The following CSMD1 variants were observed in gnomAD, a reference collection of about 807,000 sequenced individuals.
CSMD1 encodes CUB and Sushi multiple domains 1.
A neutral mutation model predicts 417.5 loss-of-function variants in CSMD1; 213 were observed. The ratio of observed to expected loss-of-function variants is 0.51; its 90% CI spans 0.46 to 0.57. The LOEUF (loss-of-function observed/expected upper bound fraction) is 0.57, where lower values mean the gene tolerates loss of function less well. CSMD1 is among the 20% of genes least tolerant of loss of function. The pLI is 0.00. For synonymous variants in CSMD1, 2,862 were observed against 1,736.8 expected (o/e 1.65, Z -16.11); for missense variants, 6,923 against 4,529.7 (o/e 1.53, Z -15.17).
chr8:4,279,841 A>T (rs1796682517), intron 3 of CSMD1, among the ~76,000 whole-genome samples: 1 of 152,168 alleles, frequency 6.6e-6, no homozygotes, highest in African/African-American at 2.4e-5. Flanking sequence ...GCTTGCCTGC[A>T]GCAGCTCACT....
intron 5 of CSMD1, among the ~76,000 whole-genome samples, chr8:3,849,650 T>A (rs1803753148): frequency 6.6e-6 from 1 of 152,036 alleles, no homozygotes; most frequent in African/African-American, 2.4e-5. Flanking sequence ...AAGGTCGAAG[T>A]CCCCAGGGAG....
At chr8:4,169,703 T>G (rs1208486462) in intron 3 of CSMD1, among the ~76,000 whole-genome samples, 2 of 152,136 alleles carry the variant, frequency 1.3e-5, no homozygotes, top group Non-Finnish European at 2.9e-5. Flanking sequence ...GCCCTGTGCA[T>G]GGCTTGCTCC....
chr8:3,756,352 C>CA (rs34120010), intron 5 of CSMD1, among the ~76,000 whole-genome samples: 109 of 140,330 alleles, frequency 7.8e-4, no homozygotes, highest in South Asian at 3.5e-3. Context: ...GACTCCATCT[C>CA]AAAAAAAAAA....
intron 5 of CSMD1, among the ~76,000 whole-genome samples, chr8:3,860,606 C>T (rs577064850): frequency 1.4e-4 from 21 of 152,194 alleles, no homozygotes; most frequent in Non-Finnish European, 2.4e-4. Context: ...CATATATGAA[C>T]ATAAGAGACA....
chr8:4,468,594 A>C (rs1003072687), intron 2 of CSMD1, among the ~76,000 whole-genome samples: 3 of 152,124 alleles, frequency 2.0e-5, no homozygotes, highest in African/African-American at 7.2e-5. Flanking sequence ...TCAGCCACAA[A>C]TGATTTTTCA....
chr8:3,938,207 C>T (rs1419552841), intron 5 of CSMD1, among the ~76,000 whole-genome samples: 2 of 151,986 alleles, frequency 1.3e-5, no homozygotes, highest in East Asian at 3.9e-4. Context: ...TTTTGGGTAA[C>T]ATCCAGTCAC....
At chr8:3,914,759 C>G (rs1808702186) in intron 5 of CSMD1, among the ~76,000 whole-genome samples, 1 of 151,446 alleles carries the variant, frequency 6.6e-6, no homozygotes. Context: ...TCTGTCTTTG[C>G]TCATTCTTCA....
chr8:4,980,394 G>C (rs1267437931), intron 1 of CSMD1, among the ~76,000 whole-genome samples: 1 of 152,204 alleles, frequency 6.6e-6, no homozygotes, highest in South Asian at 2.1e-4. Flanking sequence ...GGAGTGAGAT[G>C]GAGAGGCAGG....
intron 5 of CSMD1, among the ~76,000 whole-genome samples, chr8:3,940,497 CTGTGTGTGTGTGTGTGTG>C (rs34005059): frequency 6.9e-6 from 1 of 144,952 alleles, no homozygotes; most frequent in Admixed American, 7.0e-5. Context: ...ATTATTTCCT[CTGTGTGTGTGTGTGTGTG>C]TGTGTGTGTG....
intron 3 of CSMD1, among the ~76,000 whole-genome samples, chr8:4,277,117 T>A (rs1316947225): frequency 6.6e-6 from 1 of 152,150 alleles, no homozygotes; most frequent in East Asian, 1.9e-4. Flanking sequence ...TTAAAAATAG[T>A]TCCTTCATAA....
At chr8:4,285,935 G>T (rs887154325) in intron 3 of CSMD1, among the ~76,000 whole-genome samples, 3 of 152,094 alleles carry the variant, frequency 2.0e-5, no homozygotes, top group Non-Finnish European at 4.4e-5. Flanking sequence ...CCTTTTAAGT[G>T]GCTATGATAT....
intron 7 of CSMD1, among the ~76,000 whole-genome samples, chr8:3,643,043 A>T (rs913063143): frequency 6.6e-6 from 1 of 152,140 alleles, no homozygotes; most frequent in South Asian, 2.1e-4. Context: ...AGGAGGAAAA[A>T]ATCCTGTGCA....
intron 1 of CSMD1, among the ~76,000 whole-genome samples, chr8:4,776,880 T>C (rs1796880450): frequency 6.6e-6 from 1 of 152,250 alleles, no homozygotes; most frequent in Non-Finnish European, 1.5e-5. Flanking sequence ...TCTGCTTATC[T>C]TCATCTTTAA....
intron 16 of CSMD1, among the ~76,000 whole-genome samples, chr8:3,397,191 A>C (rs1811756785): frequency 6.6e-6 from 1 of 152,252 alleles, no homozygotes; most frequent in Non-Finnish European, 1.5e-5. Flanking sequence ...TGAGTGCCTG[A>C]CTTGGCTCTC....
chr8:3,747,820 T>C (rs1797134001), intron 6 of CSMD1, among the ~76,000 whole-genome samples: 1 of 152,234 alleles, frequency 6.6e-6, no homozygotes, highest in Non-Finnish European at 1.5e-5. Context: ...CTTTATGTTT[T>C]AAAATGTGGA....
At chr8:3,526,392 T>G (rs1395691493) in intron 10 of CSMD1, among the ~76,000 whole-genome samples, 1 of 152,136 alleles carries the variant, frequency 6.6e-6, no homozygotes, top group Non-Finnish European at 1.5e-5. Context: ...TCTTCAATCC[T>G]AAATATATTT....
chr8:4,121,476 G>C (rs1044021677), intron 3 of CSMD1, among the ~76,000 whole-genome samples: 3 of 152,060 alleles, frequency 2.0e-5, no homozygotes, highest in Non-Finnish European at 2.9e-5. Flanking sequence ...CTTGCTTCTA[G>C]TTACTTTCCT....
chr8:4,755,996 T>C (rs1344372816), intron 1 of CSMD1, among the ~76,000 whole-genome samples: 1 of 152,234 alleles, frequency 6.6e-6, no homozygotes, highest in Non-Finnish European at 1.5e-5. Flanking sequence ...TTATTTAGTA[T>C]GTGTGAGTAT....
At chr8:4,548,353 A>G (rs1362713948) in intron 2 of CSMD1, among the ~76,000 whole-genome samples, 1 of 152,160 alleles carries the variant, frequency 6.6e-6, no homozygotes, top group Non-Finnish European at 1.5e-5. Flanking sequence ...CAAATACTCT[A>G]TCGTATTTTG....
Sources: allele counts gnomAD v4.1 joint callset (sites outside exome capture counted in the v4.1 genomes callset), GRCh38; gene constraint gnomAD v4.1.1; transcripts MANE v1.5; gene names NCBI Gene and HGNC (gene_info 2026-07-23, HGNC 2026-07-21).